Variants in DPP6 observed in about 807,000 individuals in gnomAD.
DPP6 encodes dipeptidyl peptidase like 6.
DPP6 carries 69 observed loss-of-function variants against 122.6 expected under a neutral mutation model. That is an observed-to-expected ratio of 0.56 (90% CI 0.46 to 0.69). The LOEUF (loss-of-function observed/expected upper bound fraction) is 0.69, where lower values mean the gene tolerates loss of function less well. DPP6 is among the 30% of genes least tolerant of loss of function. DPP6 has a pLI of 0.00. For missense variants in DPP6, 928 were observed against 1,116.9 expected (o/e 0.83, Z 2.41); for synonymous variants, 418 against 433.1 (o/e 0.97, Z 0.43).
intron 1 of DPP6, among the ~76,000 whole-genome samples, chr7:153,958,075 A>T (rs1467473704): frequency 6.6e-6 from 1 of 152,102 alleles, no homozygotes; most frequent in African/African-American, 2.4e-5. Flanking sequence ...AAGGCAGGAG[A>T]ATCGCTTGAA....
intron 3 of DPP6, among the ~76,000 whole-genome samples, chr7:154,501,274 AG>A: frequency 6.6e-6 from 1 of 152,230 alleles, no homozygotes; most frequent in South Asian, 2.1e-4. Context: ...CCATTTTCTG[AG>A]GTGAAATTCA....
chr7:154,663,031 G>A (rs1278647675), intron 6 of DPP6, among the ~76,000 whole-genome samples: 1 of 60,850 alleles, frequency 1.6e-5, no homozygotes, highest in African/African-American at 4.3e-5. Flanking sequence ...AATCACCATG[G>A]CGTGTTGGCC....
At chr7:153,796,584 A>T in the DPP6 span, among the ~76,000 whole-genome samples, 1 of 152,130 alleles carries the variant, frequency 6.6e-6, no homozygotes, top group East Asian at 1.9e-4. Context: ...GGTCCCTGGG[A>T]CTATGCCTAG....
intron 1 of DPP6, among the ~76,000 whole-genome samples, chr7:153,904,647 G>A (rs772127199): frequency 3.9e-5 from 6 of 152,164 alleles, no homozygotes; most frequent in African/African-American, 1.4e-4. Context: ...CGTCTCATAC[G>A]CAGGCACTGA....
At chr7:154,386,047 C>T (rs1366749734) in intron 1 of DPP6, among the ~76,000 whole-genome samples, 1 of 152,174 alleles carries the variant, frequency 6.6e-6, no homozygotes, top group Admixed American at 6.5e-5. Flanking sequence ...AAGGTGTGCT[C>T]AGGAAAAATG....
intron 17 of DPP6, among the ~76,000 whole-genome samples, chr7:154,865,674 C>T (rs1341495219): frequency 6.6e-6 from 1 of 152,136 alleles, no homozygotes; most frequent in Non-Finnish European, 1.5e-5. Context: ...GTGGGAAACA[C>T]TGGTTGATAG....
chr7:154,519,114 C>T (rs1435649114), intron 3 of DPP6, among the ~76,000 whole-genome samples: 1 of 152,204 alleles, frequency 6.6e-6, no homozygotes, highest in Non-Finnish European at 1.5e-5. Flanking sequence ...ATGATGGGTT[C>T]TACCTCTCTA....
At chr7:154,431,477 TTTTCTTTTCTTTTCTTTTCTTTTCTTTTC>T (rs1818391840) in intron 1 of DPP6, among the ~76,000 whole-genome samples, 1 of 19,014 alleles carries the variant, frequency 5.3e-5, no homozygotes, top group Non-Finnish European at 9.0e-5. Flanking sequence ...TTTTCTTTTC[TTTTCTTTTCTTTTCTTTTCTTTTCTTTTC>T]TTTCTTTTAT....
intron 1 of DPP6, among the ~76,000 whole-genome samples, chr7:154,343,985 G>A (rs757753969): frequency 2.6e-5 from 4 of 152,176 alleles, no homozygotes; most frequent in Non-Finnish European, 4.4e-5. Flanking sequence ...GAAAGTGCTC[G>A]GATTATAGGC....
At chr7:154,732,617 C>T (rs1275457653) in intron 8 of DPP6, among the ~76,000 whole-genome samples, 1 of 152,092 alleles carries the variant, frequency 6.6e-6, no homozygotes, top group Admixed American at 6.5e-5. Flanking sequence ...TTATAGAGCT[C>T]AGCCTGGAGT....
At chr7:154,478,369 G>T (rs1822937961) in intron 3 of DPP6, among the ~76,000 whole-genome samples, 1 of 151,994 alleles carries the variant, frequency 6.6e-6, no homozygotes, top group African/African-American at 2.4e-5. Flanking sequence ...CTTAGTGATA[G>T]ACATAAGAAT....
chr7:154,316,328 T>C (rs1347194098), intron 1 of DPP6, among the ~76,000 whole-genome samples: 1 of 152,180 alleles, frequency 6.6e-6, no homozygotes, highest in Non-Finnish European at 1.5e-5. Flanking sequence ...TTGCTGTGAT[T>C]CATCTCCATA....
Position 153,907,805 on chromosome 7 carries a change from G to A in DPP6, c.51+20071G>A, listed in dbSNP as rs892880019. 9.9e-5 allele frequency among the ~76,000 whole-genome samples: 15 copies of A among 152,182 alleles called. 1 individual carries two copies. The highest frequency in any genetic ancestry group is 3.6e-4 in the African/African-American group (15 of 41,434). On this transcript the variant is annotated intron_variant, in intron 1 of 25. Coordinates refer to the DPP6 transcript ENST00000404039. The stretch of plus-strand genomic sequence containing the variant: ...GACTTGCCAGCTCCTATAATCACAT[G>A]AGCTCATTCCTTAGTATAAATCTTT...
chr7:154,068,163 G>A (rs962660069), intron 1 of DPP6, among the ~76,000 whole-genome samples: 4 of 152,070 alleles, frequency 2.6e-5, no homozygotes, highest in Non-Finnish European at 4.4e-5. Context: ...ATGTCCTTAG[G>A]GGTGTCAACA....
At chr7:154,571,394 G>T (rs1831100148) in intron 5 of DPP6, among the ~76,000 whole-genome samples, 1 of 151,954 alleles carries the variant, frequency 6.6e-6, no homozygotes, top group Non-Finnish European at 1.5e-5. Flanking sequence ...GTATAGCTTG[G>T]CTAGCATCCT....
intron 7 of DPP6, among the ~76,000 whole-genome samples, chr7:154,691,119 T>C (rs917258645): frequency 6.6e-6 from 1 of 152,204 alleles, no homozygotes; most frequent in East Asian, 1.9e-4. Context: ...TTTTTCTCCA[T>C]ACAATGTACG....
chr7:154,374,984 C>T (rs868226707), intron 1 of DPP6, among the ~76,000 whole-genome samples: 15 of 152,076 alleles, frequency 9.9e-5, no homozygotes, highest in African/African-American at 2.2e-4. Flanking sequence ...ACTTTGAAGG[C>T]GCTGTATTGA....
chr7:154,269,133 T>C (rs919320355), intron 1 of DPP6, among the ~76,000 whole-genome samples: 6 of 151,666 alleles, frequency 4.0e-5, no homozygotes, highest in African/African-American at 1.5e-4. Flanking sequence ...AAAAGACACT[T>C]TGTATAATTC....
chr7:153,764,473 G>C, the DPP6 span, among the ~76,000 whole-genome samples: 2 of 152,166 alleles, frequency 1.3e-5, no homozygotes, highest in African/African-American at 4.8e-5. Flanking sequence ...ACTTCTCCAA[G>C]GTTGGGTTCA....
Sources: allele counts gnomAD v4.1 joint callset (sites outside exome capture counted in the v4.1 genomes callset), GRCh38; gene constraint gnomAD v4.1.1; transcripts MANE v1.5; gene names NCBI Gene and HGNC (gene_info 2026-07-23, HGNC 2026-07-21).